RBFOX1: variants seen among roughly 807,000 people sequenced by gnomAD.
RBFOX1 encodes RNA binding protein fox-1 homolog 1.
In RBFOX1, 8 loss-of-function variants were observed where a neutral mutation model predicts 57.7. The observed-to-expected ratio is 0.14, with a 90% confidence interval of 0.08 to 0.25. The LOEUF is 0.25. Ranked by LOEUF, RBFOX1 falls within the 10% of genes least tolerant of loss-of-function variation. The pLI, the probability that RBFOX1 is intolerant of heterozygous loss-of-function variation, is 1.00. For synonymous variants in RBFOX1, 326 were observed against 222.4 expected, an observed-to-expected ratio of 1.47 and a Z score of -4.15; for missense variants, 611 against 548.5, an observed-to-expected ratio of 1.11 and a Z score of -1.14.
At chr16:6,956,866 C>T (rs2081958319) in intron 3 of RBFOX1, among the ~76,000 whole-genome samples, 1 of 152,150 alleles carries the variant, frequency 6.6e-6, no homozygotes, top group African/African-American at 2.4e-5. Context: ...TTCAAGGTGA[C>T]TTCTTTCCTC....
intron 3 of RBFOX1, among the ~76,000 whole-genome samples, chr16:6,884,773 C>T (rs192305165): frequency 3.3e-4 from 50 of 152,174 alleles, no homozygotes; most frequent in Middle Eastern, 6.8e-3. Context: ...TGGCACATAC[C>T]TGCAGTCCCA....
intron 3 of RBFOX1, among the ~76,000 whole-genome samples, chr16:7,046,760 C>A (rs569269766): frequency 1.3e-5 from 2 of 151,980 alleles, no homozygotes; most frequent in African/African-American, 4.8e-5. Context: ...CACGCGCCAT[C>A]ATGCCCAGCT....
intron 10 of RBFOX1, among the ~76,000 whole-genome samples, chr16:7,617,312 A>T (rs192124141): frequency 1.9e-3 from 285 of 152,346 alleles, no homozygotes; most frequent in Non-Finnish European, 3.2e-3. Context: ...ATTGTTTTCC[A>T]GTAAAACTAA....
chr16:7,588,482 T>C (rs2094252086), intron 7 of RBFOX1, among the ~76,000 whole-genome samples: 1 of 152,166 alleles, frequency 6.6e-6, no homozygotes, highest in South Asian at 2.1e-4. Flanking sequence ...ATGTGGATCT[T>C]GGTAACCAGA....
intron 2 of RBFOX1, among the ~76,000 whole-genome samples, chr16:6,597,273 A>C (rs909922302): frequency 1.3e-5 from 2 of 152,094 alleles, no homozygotes; most frequent in African/African-American, 2.4e-5. Context: ...TTTTGCAGTA[A>C]TGTGTGCCAG....
chr16:5,268,918 T>C (rs983619971), intron 1 of RBFOX1, among the ~76,000 whole-genome samples: 7 of 40,844 alleles, frequency 1.7e-4, no homozygotes, highest in Admixed American at 3.5e-4. Flanking sequence ...ATTTTCTCTA[T>C]TTTTTTTTTT....
chr16:5,251,482 CT>C (rs2062452176), intron 1 of RBFOX1, among the ~76,000 whole-genome samples: 1 of 152,186 alleles, frequency 6.6e-6, no homozygotes, highest in Non-Finnish European at 1.5e-5. Flanking sequence ...AGAGCCACCC[CT>C]AGTACCTGCT....
chr16:7,366,848 A>G (rs1207566907), intron 4 of RBFOX1, among the ~76,000 whole-genome samples: 1 of 152,172 alleles, frequency 6.6e-6, no homozygotes, highest in Admixed American at 6.5e-5. Context: ...ACATGAAAGA[A>G]TTAGAATATG....
intron 3 of RBFOX1, among the ~76,000 whole-genome samples, chr16:7,021,012 C>T (rs1242028814): frequency 6.6e-6 from 1 of 152,130 alleles, no homozygotes; most frequent in Non-Finnish European, 1.5e-5. Flanking sequence ...TCTGTAATCC[C>T]AGCTACTGGG....
At position 7,529,414 on chromosome 16, in the gene RBFOX1, C is replaced by T. The variant is rs140386699; in HGVS notation, c.270+11025C>T. Among the ~76,000 whole-genome samples the T allele has an allele frequency of 1.9e-4, 29 of 152,286 alleles. No homozygotes were observed. In the East Asian group the frequency reaches 4.3e-3, roughly 22 times the overall value. On this transcript the variant is annotated intron_variant, in intron 5 of 15. Coordinates refer to ENST00000550418, the MANE Select transcript of RBFOX1 (RefSeq NM_018723.4). ...AAGGTAGGCATTACAAAATTACAAG[C>T]GTGATGGTATGCAACCCTTTGGTGG...
rs548470304 is a variant in RBFOX1 at position 6,408,546 on chromosome 16, A to T, written c.-64+91489A>T. 1.3e-4 allele frequency among the ~76,000 whole-genome samples: 20 copies of T among 152,196 alleles called. No individual in the cohort carries two copies. In the South Asian group the frequency reaches 2.1e-3, roughly 16 times the overall value. ...GGAAGCAGACACTTTGACTTTTCAGAGCGTTATTGATGGAACAAATGTAGT... is the reference window on the plus strand; with the variant it reads ...GGAAGCAGACACTTTGACTTTTCAGTGCGTTATTGATGGAACAAATGTAGT... On this transcript the variant is annotated intron_variant, in intron 2 of 15. Coordinates refer to ENST00000550418, the MANE Select transcript of RBFOX1 (RefSeq NM_018723.4).
chr16:6,372,599 T>A (rs957495858), intron 2 of RBFOX1, among the ~76,000 whole-genome samples: 1 of 147,668 alleles, frequency 6.8e-6, no homozygotes, highest in African/African-American at 2.5e-5. Flanking sequence ...GATGGAAGGA[T>A]AGTTCATTGG....
At chr16:6,300,837 G>A (rs1258255107) in intron 1 of RBFOX1, among the ~76,000 whole-genome samples, 1 of 152,096 alleles carries the variant, frequency 6.6e-6, no homozygotes, top group East Asian at 1.9e-4. Context: ...TTTTCTGCTG[G>A]GAATCTTGTT....
intron 3 of RBFOX1, among the ~76,000 whole-genome samples, chr16:6,766,682 C>G (rs576527944): frequency 6.6e-6 from 1 of 152,170 alleles, no homozygotes; most frequent in African/African-American, 2.4e-5. Context: ...TGGCCAACAG[C>G]TGTCATCTTG....
intron 3 of RBFOX1, among the ~76,000 whole-genome samples, chr16:6,870,683 A>G (rs942245602): frequency 6.6e-5 from 10 of 152,228 alleles, no homozygotes; most frequent in Non-Finnish European, 1.0e-4. Context: ...CCATAATTTT[A>G]CAGCACAGTT....
intron 4 of RBFOX1, among the ~76,000 whole-genome samples, chr16:5,912,208 A>G (rs1167417840): frequency 1.3e-5 from 2 of 152,066 alleles, no homozygotes; most frequent in African/African-American, 4.8e-5. Flanking sequence ...TTTTTCATCC[A>G]TGTAGGGGGT....
At chr16:6,599,693 G>C (rs2097825516) in intron 2 of RBFOX1, among the ~76,000 whole-genome samples, 1 of 152,070 alleles carries the variant, frequency 6.6e-6, no homozygotes, top group African/African-American at 2.4e-5. Flanking sequence ...TGCTGCTGTG[G>C]AGCCGAACTT....
chr16:5,486,448 C>G (rs750863175), intron 2 of RBFOX1, among the ~76,000 whole-genome samples: 1 of 152,198 alleles, frequency 6.6e-6, no homozygotes, highest in Non-Finnish European at 1.5e-5. Flanking sequence ...CGTCATTGTA[C>G]AGAGTGATCT....
At position 6,924,664 on chromosome 16, in the gene RBFOX1, C is replaced by T. The variant is rs187997095; in HGVS notation, c.-15-127393C>T. ...CCTTACTGTGATAAAATATTTCTAC[C>T]TTTATTCTTTTTTTTTTAATTTTAT... On this transcript the variant is annotated intron_variant, in intron 3 of 15. Coordinates refer to ENST00000550418, the MANE Select transcript of RBFOX1 (RefSeq NM_018723.4). 2.0e-5 allele frequency among the ~76,000 whole-genome samples: 3 copies of T among 147,644 alleles called. No homozygotes were observed. The East Asian group carries it at 5.9e-4, about 29-fold the overall frequency.
Sources: gnomAD v4.1 joint callset for allele counts (sites outside exome capture counted in the v4.1 genomes callset) on GRCh38, gnomAD v4.1.1 for gene constraint, MANE v1.5 for transcripts, NCBI Gene and HGNC (gene_info 2026-07-23, HGNC 2026-07-21) for gene names.